Variants in ZNF12 observed in about 807,000 individuals in gnomAD.
The protein encoded by ZNF12 is zinc finger protein 12, also known as gonadotropin inducible transcription repressor 3.
ZNF12 carries 34 observed loss-of-function variants against 66.6 expected under a neutral mutation model. That is an observed-to-expected ratio of 0.51 (90% CI 0.39 to 0.68). The LOEUF is 0.68. ZNF12 is among the 30% of genes least tolerant of loss of function. ZNF12 has a pLI of 0.00. For missense variants in ZNF12, 697 were observed against 826.9 expected (o/e 0.84, Z 1.93); for synonymous variants, 320 against 278.9 (o/e 1.15, Z -1.47).
At position 6,691,877 on chromosome 7, in the gene ZNF12, A is replaced by G. The variant is rs1307194297; in HGVS notation, c.1065T>C (p.Cys355=). The change falls in exon 5 of 5, where the codon TGT becomes TGC. Residue 355 remains cysteine (C), a synonymous_variant. Coordinates refer to ENST00000405858, the MANE Select transcript of ZNF12 (RefSeq NM_016265.4). ...RTHSGEKPYE[C]SYCGKSFCQK... ...GGCAAAAGGATTTTCCACAATAACT[A>G]CATTCATAGGGCTTCTCTCCTGAGT... 6.2e-7 allele frequency: 1 copy of G among 1,614,072 alleles called. No homozygotes were observed.
rs1780282327 is a variant in ZNF12, at chr7:6,703,042, AC to A, written c.15+2116del. Reference sequence around the variant, plus strand: ...ACAGCTAACACAGCTCCCAAACTACACACACACACACACACACACACACCCC... The same window carrying A: ...ACAGCTAACACAGCTCCCAAACTACAACACACACACACACACACACACCCC... On this transcript the variant is annotated intron_variant, in intron 2 of 4. Coordinates refer to ENST00000405858, the MANE Select transcript of ZNF12 (RefSeq NM_016265.4). Among the ~76,000 whole-genome samples the A allele has an allele frequency of 4.7e-5, 4 of 84,520 alleles. No homozygotes were observed. In the South Asian group the frequency reaches 1.6e-3, roughly 34 times the overall value. 55.4% of individuals were successfully genotyped at this position (84,520 alleles called of 152,430 possible). A position where few individuals can be genotyped will look rare whatever the true frequency, so the allele number is the denominator to read the frequency against.
intron 4 of ZNF12, among the ~76,000 whole-genome samples, chr7:6,694,045 T>C (rs1484083908): frequency 2.0e-5 from 3 of 151,900 alleles, no homozygotes; most frequent in Non-Finnish European, 2.9e-5. Context: ...TGGGCACCTG[T>C]GATCCCAACT....
intron 2 of ZNF12, among the ~76,000 whole-genome samples, chr7:6,702,504 A>C (rs75075532): frequency 2.5e-4 from 6 of 23,556 alleles, no homozygotes; most frequent in Non-Finnish European, 2.5e-4. Context: ...ACACACACAC[A>C]CACAGATTTA....
chr7:6,700,085 A>G (rs1378657087), intron 2 of ZNF12, among the ~76,000 whole-genome samples: 2 of 151,954 alleles, frequency 1.3e-5, no homozygotes, highest in Admixed American at 6.6e-5. Flanking sequence ...GGAAATCGAG[A>G]CCATCCTGGC....
Position 6,697,809 on chromosome 7 carries a change from C to A in ZNF12, c.18G>T (p.Gly6=). The change falls in exon 3 of 5, where the codon GGG becomes GGT. Residue 6 remains glycine, a splice_region_variant and synonymous_variant. Transcript: ENST00000405858. The surrounding 1 kb of genome is among the most constrained non-coding windows in gnomAD (Gnocchi z 6.1). MNKSL[G]PVSFKDVAVD... ...CAGCCACGTCCTTGAATGACACTGGCCCCTGAAATGGCACCGTGATTGGAA... is the reference window on the plus strand; with the variant it reads ...CAGCCACGTCCTTGAATGACACTGGACCCTGAAATGGCACCGTGATTGGAA... 1 of 1,614,092 alleles carries A rather than the reference C, an allele frequency of 6.2e-7. No homozygotes were observed. The highest frequency in any genetic ancestry group is 1.3e-5 in the African/African-American group (1 of 75,030).
rs534170071 is a variant in ZNF12, at chr7:6,705,217, G to C, written c.-44C>G. On this transcript the variant is annotated 5_prime_UTR_variant, in exon 2 of 5. Coordinates refer to ENST00000405858, the MANE Select transcript of ZNF12 (RefSeq NM_016265.4). The surrounding 1 kb of genome is among the most constrained non-coding windows in gnomAD (Gnocchi z 4.0). ...AAATCTGGAGGACTGTGAAAGCGGAGGCAGATCTGGGGAAGGAAAACCCAA... is the reference window on the plus strand; with the variant it reads ...AAATCTGGAGGACTGTGAAAGCGGACGCAGATCTGGGGAAGGAAAACCCAA... 3 of 1,613,048 alleles carry C rather than the reference G, an allele frequency of 1.9e-6. No individual in the cohort carries two copies. Among genetic ancestry groups the C allele is most frequent in the East Asian group, 2.2e-5 (1 of 44,852 alleles).
At chr7:6,699,257 G>C (rs982901123) in intron 2 of ZNF12, among the ~76,000 whole-genome samples, 26 of 152,218 alleles carry the variant, frequency 1.7e-4, no homozygotes, top group Admixed American at 5.9e-4. Flanking sequence ...ACAAACTCCT[G>C]ATGTTGACTG....
At position 6,690,925 on chromosome 7, in the gene ZNF12, T is replaced by C. The variant is rs1432341333; in HGVS notation, c.2017A>G (p.Lys673Glu). 1 of 1,614,138 alleles carries C rather than the reference T, an allele frequency of 6.2e-7. No individual in the cohort carries two copies. The highest frequency in any genetic ancestry group is 2.2e-5 in the East Asian group (1 of 44,878). The change falls in exon 5 of 5, where the codon AAA (lysine) becomes GAA (glutamate). Residue 673 changes from lysine (K) to glutamate (E), a missense_variant. Physicochemically the swap from Lys to Glu is moderately conservative, Grantham distance 56 (BLOSUM62 1). Transcript: ENST00000405858. ...CTCTGATGGCTGTTGAATGCTGATT[T>C]GTGGTAGAATTTTTTTCCACATTCA... Reference protein sequence around the residue: ...CTECGKKFYHKSAFNSHQRIH... With the variant: ...CTECGKKFYHESAFNSHQRIH...
chr7:6,700,509 T>C (rs1015380649), intron 2 of ZNF12, among the ~76,000 whole-genome samples: 1 of 152,122 alleles, frequency 6.6e-6, no homozygotes, highest in African/African-American at 2.4e-5. Flanking sequence ...TAGAATCCCA[T>C]TAGCTAGGAG....
intron 2 of ZNF12, among the ~76,000 whole-genome samples, chr7:6,699,767 G>A (rs1349560651): frequency 6.6e-6 from 1 of 152,134 alleles, no homozygotes; most frequent in African/African-American, 2.4e-5. Flanking sequence ...TGTGCAATGG[G>A]TGAAAACGGG....
At chr7:6,704,710 A>T (rs1047663846) in intron 2 of ZNF12, among the ~76,000 whole-genome samples, 3 of 132,164 alleles carry the variant, frequency 2.3e-5, no homozygotes, top group Non-Finnish European at 4.7e-5. Flanking sequence ...ACTGCACTCC[A>T]GCCTGGTGAC....
rs201103288 is a variant in ZNF12, at chr7:6,692,357, A to G, written c.585T>C (p.Asn195=). 3.0e-4 allele frequency: 478 copies of G among 1,609,484 alleles called. 1 individual carries two copies. In the African/African-American group the frequency reaches 5.2e-3, roughly 17 times the overall value. Residue 195 remains asparagine, a synonymous_variant, in exon 5 of 5, where the codon AAT becomes AAC. Coordinates refer to ENST00000405858, the MANE Select transcript of ZNF12 (RefSeq NM_016265.4). This position sits in a 1 kb window ranked among gnomAD's most constrained non-coding sequence, Gnocchi z 5.1. ...PGDQAYEFNQ[N]GEPYTLNEES... is the part of the protein sequence containing the mutation. ...CTTCATTTAGAGTATAAGGTTCCCC[A>G]TTTTGATTAAATTCATAAGCTTGAT...
In ZNF12 at chr7:6,691,684, G is replaced by A. The variant is rs901041855; in HGVS notation, c.1258C>T (p.Arg420Cys). ...KCSECGKCFCRKSTLTTHLRT... is the reference protein window; with the variant it reads ...KCSECGKCFCCKSTLTTHLRT... ...AGGTGGGTCGTGAGAGTAGACTTGC[G>A]GCAGAAGCATTTCCCACATTCACTA... Residue 420 changes from arginine to cysteine, a missense_variant, in exon 5 of 5, where the codon CGC becomes TGC. Transcript: ENST00000405858. 3 of 1,613,190 alleles carry A rather than the reference G, an allele frequency of 1.9e-6. No homozygotes were observed. The highest frequency in any genetic ancestry group is 1.1e-5 in the South Asian group (1 of 91,032).
intron 2 of ZNF12, among the ~76,000 whole-genome samples, chr7:6,701,899 T>A (rs910220163): frequency 6.9e-6 from 1 of 144,612 alleles, no homozygotes; most frequent in Non-Finnish European, 1.5e-5. Context: ...TAACCTCAAC[T>A]CCTATTCCTG....
chr7:6,692,632 C>T lies in ZNF12; in HGVS notation c.310G>A (p.Val104Met). 1 of 1,612,726 alleles carries T rather than the reference C, an allele frequency of 6.2e-7. No homozygotes were observed. The highest frequency in any genetic ancestry group is 8.5e-7 in the Non-Finnish European group (1 of 1,179,540). The stretch of plus-strand genomic sequence containing the variant: ...TCTTCAATCAGGGTCTCAATGAACA[C>T]AGTTTGCCTTGAAGGTTTATTTTCC... ...EEENKPSRQT[V>M]FIETLIEERG... Residue 104 changes from valine to methionine, a missense_variant, in exon 5 of 5, where the codon GTG (valine) becomes ATG (methionine). Physicochemically the swap from Val to Met is conservative, Grantham distance 21 (BLOSUM62 1). This residue lies in a region of ZNF12 where 241 missense variants were observed against 224.0 expected (regional missense o/e 1.08). Coordinates refer to ENST00000405858, the MANE Select transcript of ZNF12 (RefSeq NM_016265.4). This position sits in a 1 kb window ranked among gnomAD's most constrained non-coding sequence, Gnocchi z 5.1.
intron 2 of ZNF12, among the ~76,000 whole-genome samples, chr7:6,699,603 G>T (rs962901878): frequency 4.6e-5 from 7 of 152,232 alleles, no homozygotes; most frequent in African/African-American, 1.7e-4. Context: ...CCACCATGAG[G>T]ATCGGGAGAG....
At position 6,706,694 on chromosome 7, in the gene ZNF12, C is replaced by T. The variant is rs1261789116; in HGVS notation, c.-313G>A. 7.6e-6 allele frequency: 2 copies of T among 263,672 alleles called. No individual in the cohort carries two copies. Among genetic ancestry groups the T allele is most frequent in the Admixed American group, 6.3e-5 (1 of 15,950 alleles). The allele number at this position is 263,672 out of a possible 1,614,324, so 16.3% of individuals were successfully genotyped here. On this transcript the variant is annotated 5_prime_UTR_variant, in exon 1 of 5. Transcript: ENST00000405858. ...ACGCACACGGGCCGGGCCCGGGTCC[C>T]GCCGCCCCTTCGCCTCCGCCGTCGT...
Position 6,691,868 on chromosome 7 carries a change from A to G in ZNF12, c.1074T>C (p.Cys358=), listed in dbSNP as rs746536211. 6 of 1,614,220 alleles carry G rather than the reference A, an allele frequency of 3.7e-6. No individual in the cohort carries two copies. In the South Asian group the frequency reaches 4.4e-5, roughly 12 times the overall value. The change falls in exon 5 of 5, where the codon TGT becomes TGC. Residue 358 remains cysteine, a synonymous_variant. Transcript: ENST00000405858. ...GTGTCTTCTGGCAAAAGGATTTTCC[A>G]CAATAACTACATTCATAGGGCTTCT... ...SGEKPYECSY[C]GKSFCQKTHL...
In ZNF12 at chr7:6,705,104, C is replaced by T; in HGVS notation, c.15+55G>A. 1 of 1,598,736 alleles carries T rather than the reference C, an allele frequency of 6.3e-7. No homozygotes were observed. Among genetic ancestry groups the T allele is most frequent in the African/African-American group, 1.3e-5 (1 of 74,542 alleles). On this transcript the variant is annotated intron_variant, in intron 2 of 4. Transcript: ENST00000405858. This position sits in a 1 kb window ranked among gnomAD's most constrained non-coding sequence, Gnocchi z 4.0. Reference sequence around the variant, plus strand: ...TAAACTTTGAACCCTTAATCTCCTCCTAAGGTGTATTGTAAATCAGAGTAG... The same window carrying T: ...TAAACTTTGAACCCTTAATCTCCTCTTAAGGTGTATTGTAAATCAGAGTAG...
Sources: gnomAD v4.1 joint callset for allele counts (sites outside exome capture counted in the v4.1 genomes callset) on GRCh38, gnomAD v4.1.1 for gene constraint, gnomAD v4.1.1 regional missense constraint, Gnocchi (gnomAD v3.1) non-coding constraint, MANE v1.5 for transcripts, NCBI Gene and HGNC (gene_info 2026-07-23, HGNC 2026-07-21) for gene names.